The following SLCO6A1 variants were observed in gnomAD, a reference collection of about 807,000 sequenced individuals.
SLCO6A1 encodes solute carrier organic anion transporter family member 6A1, also known as cancer/testis antigen 48.
Under a neutral mutation model 72.7 loss-of-function variants are expected in SLCO6A1, and 65 were observed. The ratio of observed to expected loss-of-function variants is 0.89; its 90% CI spans 0.73 to 1.10. The LOEUF is 1.10. Among genes scored for constraint, SLCO6A1 ranks in the 50% least tolerant of loss-of-function variants. The pLI, the probability that SLCO6A1 is intolerant of heterozygous loss-of-function variation, is 0.00. For synonymous variants in SLCO6A1, 314 were observed against 298.2 expected (o/e 1.05, Z -0.55); for missense variants, 874 against 872.6 (o/e 1.00, Z -0.02).
chr5:102,465,586 A>G (rs1271610083), intron 4 of SLCO6A1, among the ~76,000 whole-genome samples: 2 of 152,130 alleles, frequency 1.3e-5, no homozygotes, highest in Non-Finnish European at 2.9e-5. Flanking sequence ...AACAGTTACC[A>G]TTACCAGGGA....
At chr5:102,418,887 T>C (rs1049733431) in intron 8 of SLCO6A1, among the ~76,000 whole-genome samples, 19 of 152,118 alleles carry the variant, frequency 1.2e-4, no homozygotes, top group African/African-American at 4.3e-4. Context: ...TACAGCAAAT[T>C]TCTTGAGTTA....
chr5:102,389,310 C>T (rs1181910698), intron 11 of SLCO6A1, among the ~76,000 whole-genome samples: 1 of 151,976 alleles, frequency 6.6e-6, no homozygotes, highest in Non-Finnish European at 1.5e-5. Context: ...TTTATAGTAG[C>T]CCCAGATTCA....
chr5:102,423,566 G>A (rs1748725708), intron 7 of SLCO6A1, among the ~76,000 whole-genome samples: 1 of 152,142 alleles, frequency 6.6e-6, no homozygotes, highest in Non-Finnish European at 1.5e-5. Context: ...AATGCAACAA[G>A]AGCTAGCTAT....
intron 8 of SLCO6A1, among the ~76,000 whole-genome samples, chr5:102,415,359 C>T (rs997780945): frequency 1.3e-5 from 2 of 152,004 alleles, no homozygotes; most frequent in South Asian, 2.1e-4. Flanking sequence ...TAAAAATAGA[C>T]CCATATATCA....
chr5:102,383,139 T>G (rs970445083), intron 12 of SLCO6A1, among the ~76,000 whole-genome samples: 3 of 146,474 alleles, frequency 2.0e-5, no homozygotes, highest in East Asian at 3.9e-4. Flanking sequence ...TAATGTCATT[T>G]GCAAAGAGAA....
At chr5:102,375,036 T>C (rs995873320) in intron 12 of SLCO6A1, among the ~76,000 whole-genome samples, 1 of 152,144 alleles carries the variant, frequency 6.6e-6, no homozygotes, top group African/African-American at 2.4e-5. Context: ...TTATTTTCTA[T>C]ATTGGATGGG....
intron 9 of SLCO6A1, among the ~76,000 whole-genome samples, chr5:102,402,145 G>GAGTAA (rs1352974430): frequency 6.6e-5 from 10 of 152,190 alleles, no homozygotes; most frequent in African/African-American, 2.4e-4. Context: ...ATCATGGAAG[G>GAGTAA]AGTAAAGTTA....
intron 1 of SLCO6A1, among the ~76,000 whole-genome samples, chr5:102,488,620 CAGG>C (rs535516007): frequency 1.0e-3 from 159 of 152,288 alleles, no homozygotes; most frequent in African/African-American, 3.7e-3. Context: ...GGACAAGATT[CAGG>C]AGAAGAAGAA....
At chr5:102,459,204 G>A (rs190409651) in intron 5 of SLCO6A1, among the ~76,000 whole-genome samples, 53 of 152,246 alleles carry the variant, frequency 3.5e-4, no homozygotes, top group Admixed American at 2.9e-3. Flanking sequence ...GAGGCCAGGA[G>A]TTTAAGACTA....
intron 1 of SLCO6A1, 88 bp downstream of exon 1, chr5:102,498,399 G>A (rs1753004932): frequency 7.6e-7 from 1 of 1,316,572 alleles, no homozygotes; most frequent in African/African-American, 1.5e-5. Flanking sequence ...GGCCACCCCA[G>A]GGCGTCCTCC....
chr5:102,441,054 A>T (rs1256968424), intron 6 of SLCO6A1, among the ~76,000 whole-genome samples: 1 of 152,142 alleles, frequency 6.6e-6, no homozygotes, highest in Non-Finnish European at 1.5e-5. Context: ...GATATCTGTC[A>T]CCCATCTATT....
chr5:102,429,555 T>C (rs1749099545), intron 7 of SLCO6A1, among the ~76,000 whole-genome samples: 1 of 152,212 alleles, frequency 6.6e-6, no homozygotes, highest in Non-Finnish European at 1.5e-5. Context: ...ATTTACTGAA[T>C]AGGGAATCCT....
chr5:102,373,076 A>G (rs1165857866), intron 13 of SLCO6A1, among the ~76,000 whole-genome samples: 3 of 151,926 alleles, frequency 2.0e-5, no homozygotes, highest in Non-Finnish European at 4.4e-5. Flanking sequence ...ACGTCAGTTA[A>G]AATTAACCTA....
chr5:102,372,855 T>G (rs115765228), intron 13 of SLCO6A1, among the ~76,000 whole-genome samples: 3,585 of 152,040 alleles, frequency 0.024, 98 homozygotes, highest in African/African-American at 0.068. Flanking sequence ...AATAAAATGT[T>G]AATTTTTAAA....
chr5:102,386,032 C>A (rs1378029869), intron 12 of SLCO6A1, among the ~76,000 whole-genome samples: 1 of 152,100 alleles, frequency 6.6e-6, no homozygotes, highest in Non-Finnish European at 1.5e-5. Context: ...TTGGTGGTGT[C>A]ATGTTTTCCT....
chr5:102,410,410 C>A (rs1029935928), intron 9 of SLCO6A1, among the ~76,000 whole-genome samples: 1 of 152,130 alleles, frequency 6.6e-6, no homozygotes. Context: ...CCATGGGTGG[C>A]CATGGGCAGG....
At chr5:102,459,116 A>G (rs1292297600) in intron 5 of SLCO6A1, among the ~76,000 whole-genome samples, 1 of 152,134 alleles carries the variant, frequency 6.6e-6, no homozygotes, top group East Asian at 1.9e-4. Flanking sequence ...CACTAATTCT[A>G]ATGAAATTCT....
rs545869120 is a variant in SLCO6A1, at chr5:102,422,095, C to A, written c.1277-2074G>T. Among the ~76,000 whole-genome samples, 7 of 152,206 alleles carry A rather than the reference C, an allele frequency of 4.6e-5. No individual in the cohort carries two copies. In the South Asian group the frequency reaches 1.5e-3, roughly 32 times the overall value. Reference sequence around the variant, plus strand: ...ACATCAACATCCACAAAAAAGATGCCCATGCAAAAACCCCATCCAAAGGTC... The same window carrying A: ...ACATCAACATCCACAAAAAAGATGCACATGCAAAAACCCCATCCAAAGGTC... On this transcript the variant is annotated intron_variant, in intron 7 of 13. Transcript: ENST00000506729.
At chr5:102,458,940 G>T (rs921809611) in intron 5 of SLCO6A1, among the ~76,000 whole-genome samples, 10 of 152,032 alleles carry the variant, frequency 6.6e-5, no homozygotes, top group African/African-American at 2.4e-4. Flanking sequence ...GTATTTTTCA[G>T]TGTTTCTAAG....
Sources: allele counts gnomAD v4.1 joint callset (sites outside exome capture counted in the v4.1 genomes callset), GRCh38; gene constraint gnomAD v4.1.1; transcripts MANE v1.5; gene names NCBI Gene and HGNC (gene_info 2026-07-23, HGNC 2026-07-21).